Variants in SKIDA1 observed in about 807,000 individuals in gnomAD.
SKIDA1 encodes the protein SKI/DACH domain-containing protein 1.
A neutral mutation model predicts 51.4 loss-of-function variants in SKIDA1; 18 were observed. That is an observed-to-expected ratio of 0.35 (90% confidence interval 0.24 to 0.52). The LOEUF (loss-of-function observed/expected upper bound fraction) is 0.52, where lower values mean the gene tolerates loss of function less well. SKIDA1 is among the 20% of genes least tolerant of loss of function. The pLI, the probability that SKIDA1 is intolerant of heterozygous loss-of-function variation, is 0.95. For synonymous variants in SKIDA1, 579 were observed against 500.5 expected, an observed-to-expected ratio of 1.16 and a Z score of -2.09; for missense variants, 1,104 against 1,180.6, an observed-to-expected ratio of 0.94 and a Z score of 0.95.
In SKIDA1 at chr10:21,517,477, C is replaced by T; in HGVS notation, c.346G>A (p.Ala116Thr). Residue 116 changes from alanine (A) to threonine (T), a missense_variant, in exon 4 of 4, where the codon GCG becomes ACG. Coordinates refer to ENST00000449193, the MANE Select transcript of SKIDA1 (RefSeq NM_207371.4). The surrounding 1 kb of genome is among the most constrained non-coding windows in gnomAD (Gnocchi z 6.9). ...GCAGCGGCGCGCTCTGGCGGCGGCG[C>T]CTTTGTGGCCAGGGCCCGGCCGACC... Reference protein sequence around the residue: ...RRVGRALATKAPPPERAAAAS... With the variant: ...RRVGRALATKTPPPERAAAAS... The T allele has an allele frequency of 6.5e-7, 1 of 1,537,564 alleles. No individual in the cohort carries two copies. The highest frequency in any genetic ancestry group is 1.2e-5 in the South Asian group (1 of 82,400).
In SKIDA1 at chr10:21,515,261, T is replaced by C. The variant is rs774792297; in HGVS notation, c.2562A>G (p.Pro854=). 2 of 1,614,026 alleles carry C rather than the reference T, an allele frequency of 1.2e-6. No individual in the cohort carries two copies. The highest frequency in any genetic ancestry group is 1.3e-5 in the African/African-American group (1 of 75,048). Residue 854 remains proline (P), a synonymous_variant, in exon 4 of 4, where the codon CCA becomes CCG. Transcript: ENST00000449193. ...CCCCATCTCTCCCAATAATGAGTGA[T>C]GGTGGACAAGGAAAATTTGCCATGA... ...FHFMANFPCP[P]SLIIGRDGDL...
rs1463318230 is a variant in SKIDA1, at chr10:21,517,358, G to C, written c.465C>G (p.Ser155=). 1 of 1,414,340 alleles carries C rather than the reference G, an allele frequency of 7.1e-7. No individual in the cohort carries two copies. Among genetic ancestry groups the C allele is most frequent in the South Asian group, 1.5e-5 (1 of 64,800 alleles). 87.6% of individuals were successfully genotyped at this position (1,414,340 alleles called of 1,614,324 possible). A position where few individuals can be genotyped will look rare whatever the true frequency, so the allele number is the denominator to read the frequency against. Residue 155 remains serine (S), a synonymous_variant, in exon 4 of 4, where the codon TCC becomes TCG. Coordinates refer to ENST00000449193, the MANE Select transcript of SKIDA1 (RefSeq NM_207371.4). The surrounding 1 kb of genome is among the most constrained non-coding windows in gnomAD (Gnocchi z 6.9). ...AARPLPISAQ[S]QRPGAAAARP... ...GCGCGGCGGCGGCGCCCGGGCGCTGGGACTGCGCGCTGATTGGCAGGGGCC... is the reference window on the plus strand; with the variant it reads ...GCGCGGCGGCGGCGCCCGGGCGCTGCGACTGCGCGCTGATTGGCAGGGGCC...
rs1457805805 is a variant in SKIDA1 at position 21,514,820 on chromosome 10, G to A, written c.*276C>T. On this transcript the variant is annotated 3_prime_UTR_variant, in exon 4 of 4. Coordinates refer to ENST00000449193, the MANE Select transcript of SKIDA1 (RefSeq NM_207371.4). ...AGCATCGAAACAGTAAAGTGTTCCA[G>A]CTCTACCGTAATAACTGAGTTTTAC... The A allele has an allele frequency of 6.2e-6, 2 of 320,434 alleles. No homozygotes were observed. Among genetic ancestry groups the A allele is most frequent in the East Asian group, 1.2e-4 (2 of 17,218 alleles). The allele number at this position is 320,434 out of a possible 1,614,324, so 19.8% of individuals were successfully genotyped here.
intron 2 of SKIDA1, among the ~76,000 whole-genome samples, chr10:21,522,891 C>T (rs536243139): frequency 6.6e-6 from 1 of 152,188 alleles, no homozygotes; most frequent in East Asian, 1.9e-4. Flanking sequence ...ATTTGCAAAT[C>T]CTTGGAGGTA....
At position 21,517,277 on chromosome 10, in the gene SKIDA1, C is replaced by A; in HGVS notation, c.546G>T (p.Pro182=). ...GTTTGCACGGCGAGCGCACGATCTC[C>A]GGGTAGTGCGAGCCGGGGTATTTGC... is the stretch of plus-strand genomic sequence containing the variant. ...IFSKYPGSHY[P]EIVRSPCKPP... The change falls in exon 4 of 4, where the codon CCG becomes CCT. Residue 182 remains proline (P), a synonymous_variant. Coordinates refer to ENST00000449193, the MANE Select transcript of SKIDA1 (RefSeq NM_207371.4). This position sits in a 1 kb window ranked among gnomAD's most constrained non-coding sequence, Gnocchi z 6.9. 1 of 1,470,040 alleles carries A rather than the reference C, an allele frequency of 6.8e-7. No homozygotes were observed. The highest frequency in any genetic ancestry group is 1.3e-5 in the South Asian group (1 of 75,480). The allele number at this position is 1,470,040 out of a possible 1,614,324, so 91.1% of individuals were successfully genotyped here.
chr10:21,518,003 G>T lies in SKIDA1; in HGVS notation c.-181C>A, dbSNP rs1164988423. 2.8e-5 allele frequency: 16 copies of T among 562,932 alleles called. No homozygotes were observed. The highest frequency in any genetic ancestry group is 4.7e-4 in the Middle Eastern group (1 of 2,142). The allele number at this position is 562,932 out of a possible 1,614,324, so 34.9% of individuals were successfully genotyped here. A position where few individuals can be genotyped will look rare whatever the true frequency, so the allele number is the denominator to read the frequency against. ...CCAAACTCTAGGCGAAATTATTGGG[G>T]GGGGGGAAACCCCATGAAATTACAC... On this transcript the variant is annotated 5_prime_UTR_variant, in exon 4 of 4. Coordinates refer to ENST00000449193, the MANE Select transcript of SKIDA1 (RefSeq NM_207371.4).
At position 21,524,526 on chromosome 10, in the gene SKIDA1, C is replaced by T. The variant is rs190242557; in HGVS notation, c.-2117-655G>A. 8.1e-5 allele frequency: 11 copies of T among 136,520 alleles called. No individual in the cohort carries two copies. In the Admixed American group the frequency reaches 9.4e-4, roughly 12 times the overall value. The allele number at this position is 136,520 out of a possible 1,614,324, so 8.5% of individuals were successfully genotyped here. ...TTTTGAAAGTTTAGAGCTCCAATAC[C>T]CTCAATTCTACTGGCAGAATTAGGA... On this transcript the variant is annotated intron_variant, in intron 1 of 3. Coordinates refer to ENST00000449193, the MANE Select transcript of SKIDA1 (RefSeq NM_207371.4).
Position 21,516,973 on chromosome 10 carries a change from C to A in SKIDA1, c.850G>T (p.Ala284Ser). ...KRGGAKDCLLAPHAGARRLLL... is the reference protein window; with the variant it reads ...KRGGAKDCLLSPHAGARRLLL... ...AGGCGCCGCGCGCCGGCGTGAGGCG[C>A]GAGCAGGCAGTCCTTGGCGCCGCCG... The change falls in exon 4 of 4, where the codon GCG becomes TCG. Residue 284 changes from alanine to serine, a missense_variant. By Grantham distance (99) the Ala-to-Ser change is moderately conservative (BLOSUM62 1). Coordinates refer to ENST00000449193, the MANE Select transcript of SKIDA1 (RefSeq NM_207371.4). This position sits in a 1 kb window ranked among gnomAD's most constrained non-coding sequence, Gnocchi z 5.7. 8.6e-7 allele frequency: 1 copy of A among 1,162,684 alleles called. No individual in the cohort carries two copies. Among genetic ancestry groups the A allele is most frequent in the Admixed American group, 3.8e-5 (1 of 26,072 alleles). The allele number at this position is 1,162,684 out of a possible 1,614,324, so 72.0% of individuals were successfully genotyped here. A position where few individuals can be genotyped will look rare whatever the true frequency, so the allele number is the denominator to read the frequency against.
chr10:21,516,402 G>A lies in SKIDA1; in HGVS notation c.1421C>T (p.Pro474Leu), dbSNP rs1317070435. The change falls in exon 4 of 4, where the codon CCT (proline) becomes CTT (leucine). Residue 474 changes from proline (P) to leucine (L), a missense_variant. Physicochemically the swap from Pro to Leu is moderately conservative, Grantham distance 98. Around this residue, in one of 3 missense-constraint regions of SKIDA1, gnomAD observed 938 missense variants for 886.4 expected, o/e 1.06. Transcript: ENST00000449193. This position sits in a 1 kb window ranked among gnomAD's most constrained non-coding sequence, Gnocchi z 5.7. ...IRFRRTSFCK[P>L]PSVQAQANFL... Reference sequence around the variant, plus strand: ...GTTGGCCTGCGCCTGCACGCTGGGAGGCTTGCAGAAGCTGGTGCGCCTGAA... The same window carrying A: ...GTTGGCCTGCGCCTGCACGCTGGGAAGCTTGCAGAAGCTGGTGCGCCTGAA... 6.2e-7 allele frequency: 1 copy of A among 1,613,544 alleles called. No individual in the cohort carries two copies. Among genetic ancestry groups the A allele is most frequent in the Non-Finnish European group, 8.5e-7 (1 of 1,179,900 alleles).
In SKIDA1 at chr10:21,516,416, G is replaced by A. The variant is rs547752540; in HGVS notation, c.1407C>T (p.Thr469=). ...VSVQSIRFRR[T]SFCKPPSVQA... Reference sequence around the variant, plus strand: ...GCACGCTGGGAGGCTTGCAGAAGCTGGTGCGCCTGAATCGGATGCTCTGCA... The same window carrying A: ...GCACGCTGGGAGGCTTGCAGAAGCTAGTGCGCCTGAATCGGATGCTCTGCA... Residue 469 remains threonine (T), a synonymous_variant, in exon 4 of 4, where the codon ACC becomes ACT. Transcript: ENST00000449193. The surrounding 1 kb of genome is among the most constrained non-coding windows in gnomAD (Gnocchi z 5.7). The A allele has an allele frequency of 4.2e-5, 67 of 1,613,438 alleles. No individual in the cohort carries two copies. The South Asian group carries it at 6.5e-4, about 16-fold the overall frequency.
intron 3 of SKIDA1, among the ~76,000 whole-genome samples, chr10:21,519,984 A>C (rs2032346906): frequency 6.6e-6 from 1 of 152,118 alleles, no homozygotes; most frequent in Non-Finnish European, 1.5e-5. Flanking sequence ...CAGCCCCTGA[A>C]CTACTGTTGC....
chr10:21,522,408 T>C (rs1181486023), intron 2 of SKIDA1, among the ~76,000 whole-genome samples: 1 of 151,680 alleles, frequency 6.6e-6, no homozygotes, highest in Non-Finnish European at 1.5e-5. Flanking sequence ...AATGTAAGTA[T>C]GCTGGTTAAA....
rs528652346 is a variant in SKIDA1 at position 21,517,090 on chromosome 10, AGGCGGCGGCGGCGGC to A, written c.718_732del (p.Ala240_Ala244del). The A allele has an allele frequency of 2.3e-5, 23 of 986,158 alleles. 2 individuals are homozygous for A. In the Admixed American group the frequency reaches 2.8e-4, roughly 12 times the overall value. The allele number at this position is 986,158 out of a possible 1,614,324, so 61.1% of individuals were successfully genotyped here. A position where few individuals can be genotyped will look rare whatever the true frequency, so the allele number is the denominator to read the frequency against. On this transcript the variant is annotated inframe_deletion, in exon 4 of 4. Transcript: ENST00000449193. The surrounding 1 kb of genome is among the most constrained non-coding windows in gnomAD (Gnocchi z 6.9). ...GGCCCGGCCGCCGATACCTGGTAAT[AGGCGGCGGCGGCGGC>A]GGCGGCGGCGGCGGCAGCAGCGGCG...
At chr10:21,521,310 G>C (rs898720439) in intron 3 of SKIDA1, 79 bp downstream of exon 3, 1 of 152,514 alleles carries the variant, frequency 6.6e-6, no homozygotes, top group African/African-American at 2.4e-5. Flanking sequence ...TAATGTGAAA[G>C]CTGGCCAAAA....
rs1227930118 is a variant in SKIDA1 at position 21,517,278 on chromosome 10, G to C, written c.545C>G (p.Pro182Arg). The C allele has an allele frequency of 4.8e-6, 7 of 1,470,496 alleles. No individual in the cohort carries two copies. Among genetic ancestry groups the C allele is most frequent in the Admixed American group, 2.5e-5 (1 of 39,482 alleles). 91.1% of individuals were successfully genotyped at this position (1,470,496 alleles called of 1,614,324 possible). A position where few individuals can be genotyped will look rare whatever the true frequency, so the allele number is the denominator to read the frequency against. ...TTTGCACGGCGAGCGCACGATCTCC[G>C]GGTAGTGCGAGCCGGGGTATTTGCT... The part of the protein sequence containing the change: ...IFSKYPGSHY[P>R]EIVRSPCKPP... Residue 182 changes from proline to arginine, a missense_variant, in exon 4 of 4, where the codon CCG becomes CGG. Pro to Arg is a moderately radical substitution (Grantham distance 103). Around this residue, in one of 3 missense-constraint regions of SKIDA1, gnomAD observed 938 missense variants for 886.4 expected, o/e 1.06. Coordinates refer to ENST00000449193, the MANE Select transcript of SKIDA1 (RefSeq NM_207371.4). The surrounding 1 kb of genome is among the most constrained non-coding windows in gnomAD (Gnocchi z 6.9).
In SKIDA1 at chr10:21,514,399, C is replaced by T. The variant is rs1203182812; in HGVS notation, c.*697G>A. ...TTTAAAAGTAAAATCACACCCTTTA[C>T]AAAAAAAATACAATTCCGTATTTAT... On this transcript the variant is annotated 3_prime_UTR_variant, in exon 4 of 4. Coordinates refer to ENST00000449193, the MANE Select transcript of SKIDA1 (RefSeq NM_207371.4). 2.1e-5 allele frequency: 3 copies of T among 140,800 alleles called. No individual in the cohort carries two copies. Among genetic ancestry groups the T allele is most frequent in the East Asian group, 4.1e-4 (2 of 4,824 alleles). The allele number at this position is 140,800 out of a possible 1,614,324, so 8.7% of individuals were successfully genotyped here. A position where few individuals can be genotyped will look rare whatever the true frequency, so the allele number is the denominator to read the frequency against.
Position 21,515,798 on chromosome 10 carries a change from G to A in SKIDA1, c.2025C>T (p.Gly675=), listed in dbSNP as rs371144284. The stretch of plus-strand genomic sequence containing the variant: ...TGTGCAGAAATGGCAATGTCTTGTC[G>A]CCTGTGTCAGTGCAGGGATTCTCGG... ...TKAENPCTDT[G]DKTLPFLHNI... is the part of the protein sequence containing the mutation. The change falls in exon 4 of 4, where the codon GGC becomes GGT. Residue 675 remains glycine, a synonymous_variant. Coordinates refer to ENST00000449193, the MANE Select transcript of SKIDA1 (RefSeq NM_207371.4). 1.1e-5 allele frequency: 17 copies of A among 1,613,808 alleles called. No individual in the cohort carries two copies. Among genetic ancestry groups the A allele is most frequent in the South Asian group, 3.3e-5 (3 of 91,078 alleles).
Position 21,517,422 on chromosome 10 carries a change from T to A in SKIDA1, c.401A>T (p.Asp134Val). Residue 134 changes from aspartate to valine, a missense_variant, in exon 4 of 4, where the codon GAC becomes GTC. Physicochemically the swap from Asp to Val is radical, Grantham distance 152 (BLOSUM62 -3). Around this residue, in one of 3 missense-constraint regions of SKIDA1, gnomAD observed 938 missense variants for 886.4 expected, o/e 1.06. Transcript: ENST00000449193. This position sits in a 1 kb window ranked among gnomAD's most constrained non-coding sequence, Gnocchi z 6.9. ...CAGGCCCCGCCAAAGTTGGTGCTTG[T>A]CCTTCCAAAATCCCGGGCGGGGGCT... ...AASPRPGFWK[D>V]KHQLWRGLSG... The A allele has an allele frequency of 6.7e-7, 1 of 1,485,790 alleles. No individual in the cohort carries two copies. Among genetic ancestry groups the A allele is most frequent in the Non-Finnish European group, 8.9e-7 (1 of 1,124,148 alleles). 92.0% of individuals were successfully genotyped at this position (1,485,790 alleles called of 1,614,324 possible).
Position 21,515,141 on chromosome 10 carries a change from T to C in SKIDA1, c.2682A>G (p.Ala894=). The C allele has an allele frequency of 1.2e-6, 2 of 1,613,482 alleles. No individual in the cohort carries two copies. The highest frequency in any genetic ancestry group is 1.7e-6 in the Non-Finnish European group (2 of 1,179,680). ...PIWKWQLGGS[A]IPLPPSHKFR... ...ATTTGTGACTAGGTGGAAGAGGTAT[T>C]GCAGAACCGCCCAGCTGCCATTTCC... The change falls in exon 4 of 4, where the codon GCA becomes GCG. Residue 894 remains alanine, a synonymous_variant. Transcript: ENST00000449193.
Sources: gnomAD v4.1 joint callset for allele counts (sites outside exome capture counted in the v4.1 genomes callset) on GRCh38, gnomAD v4.1.1 for gene constraint, gnomAD v4.1.1 regional missense constraint, Gnocchi (gnomAD v3.1) non-coding constraint, MANE v1.5 for transcripts, NCBI Gene and HGNC (gene_info 2026-07-23, HGNC 2026-07-21) for gene names.